Variants in GRID2 observed in about 807,000 individuals in gnomAD.
GRID2 encodes glutamate receptor ionotropic, delta-2.
A neutral mutation model predicts 114.8 loss-of-function variants in GRID2; 33 were observed. That is an observed-to-expected ratio of 0.29 (90% CI 0.22 to 0.38). GRID2 has a LOEUF of 0.38. Among genes scored for constraint, GRID2 ranks in the 10% least tolerant of loss-of-function variants. The pLI is 1.00. For synonymous variants in GRID2, 505 were observed against 449.9 expected (o/e 1.12, Z -1.55); for missense variants, 1,184 against 1,257.7 (o/e 0.94, Z 0.89).
At chr4:93,224,304 T>C (rs1357493212) in intron 6 of GRID2, among the ~76,000 whole-genome samples, 1 of 152,188 alleles carries the variant, frequency 6.6e-6, no homozygotes, top group Admixed American at 6.6e-5. Flanking sequence ...CAGAGAGAAA[T>C]AAGGGCCAAT....
intron 14 of GRID2, among the ~76,000 whole-genome samples, chr4:93,646,623 G>A (rs1295496186): frequency 6.6e-6 from 1 of 152,156 alleles, no homozygotes; most frequent in East Asian, 1.9e-4. Flanking sequence ...TATATGGTGA[G>A]AAGGAGAGAG....
Position 93,273,292 on chromosome 4 carries a change from G to A in GRID2, c.1245+34802G>A, listed in dbSNP as rs149092903. On this transcript the variant is annotated intron_variant, in intron 8 of 15. Coordinates refer to ENST00000282020, the MANE Select transcript of GRID2 (RefSeq NM_001510.4). Reference sequence around the variant, plus strand: ...GTTTGACTTTTACTTTACTTCTAAGGTATCCCAGATCTCTTTCTCTTATCT... The same window carrying A: ...GTTTGACTTTTACTTTACTTCTAAGATATCCCAGATCTCTTTCTCTTATCT... Among the ~76,000 whole-genome samples, 64 of 152,154 alleles carry A rather than the reference G, an allele frequency of 4.2e-4. No homozygotes were observed. In the East Asian group the frequency reaches 0.012, roughly 28 times the overall value.
chr4:92,614,294 C>G (rs1383139259), intron 2 of GRID2, among the ~76,000 whole-genome samples: 1 of 151,440 alleles, frequency 6.6e-6, no homozygotes, highest in East Asian at 1.9e-4. Flanking sequence ...TGCTTTTTTT[C>G]TGTCTTAAGT....
intron 11 of GRID2, among the ~76,000 whole-genome samples, chr4:93,460,503 T>G (rs1449550389): frequency 6.6e-6 from 1 of 152,194 alleles, no homozygotes; most frequent in Non-Finnish European, 1.5e-5. Flanking sequence ...TCAAGAAGTC[T>G]TTCCTGGGAT....
intron 14 of GRID2, among the ~76,000 whole-genome samples, chr4:93,658,737 G>A (rs1240572120): frequency 6.6e-6 from 1 of 152,186 alleles, no homozygotes; most frequent in Non-Finnish European, 1.5e-5. Context: ...GGATGAGGAT[G>A]CTTGGCTGAA....
At chr4:93,257,061 GA>G (rs1749678634) in intron 8 of GRID2, among the ~76,000 whole-genome samples, 1 of 151,796 alleles carries the variant, frequency 6.6e-6, no homozygotes, top group East Asian at 1.9e-4. Context: ...AGAGAAGCAA[GA>G]AATCTAACAA....
intron 2 of GRID2, among the ~76,000 whole-genome samples, chr4:93,007,687 G>T (rs1006810039): frequency 1.3e-5 from 2 of 152,008 alleles, no homozygotes; most frequent in Non-Finnish European, 2.9e-5. Context: ...GTGTTAAAAG[G>T]GGTAGAATGA....
chr4:93,034,145 A>C (rs1468875550), intron 2 of GRID2, among the ~76,000 whole-genome samples: 1 of 152,198 alleles, frequency 6.6e-6, no homozygotes, highest in Non-Finnish European at 1.5e-5. Flanking sequence ...CAGGTGAACA[A>C]CATAGGGAAA....
At chr4:92,377,775 C>G in intron 1 of GRID2, among the ~76,000 whole-genome samples, 1 of 152,102 alleles carries the variant, frequency 6.6e-6, no homozygotes, top group Middle Eastern at 3.4e-3. Context: ...CAAGGAAACC[C>G]CACCTTATAA....
intron 14 of GRID2, among the ~76,000 whole-genome samples, chr4:93,685,946 A>G (rs1399765674): frequency 6.6e-6 from 1 of 152,066 alleles, no homozygotes; most frequent in Non-Finnish European, 1.5e-5. Context: ...GCTGTGAGAT[A>G]CAGTGTCTGA....
chr4:93,720,976 T>C lies in GRID2; in HGVS notation c.2361-48234T>C, dbSNP rs754100704. On this transcript the variant is annotated intron_variant, in intron 14 of 15. Transcript: ENST00000282020. ...TGCAATTTATAGGATGAACACAAGA[T>C]ATGTTTGCATCCTGAGATTTGCCAG... 2.1e-4 allele frequency among the ~76,000 whole-genome samples: 32 copies of C among 152,328 alleles called. No individual in the cohort carries two copies. The Middle Eastern group carries it at 0.014, about 65-fold the overall frequency.
At chr4:92,796,503 T>A (rs758706534) in intron 2 of GRID2, among the ~76,000 whole-genome samples, 1 of 151,942 alleles carries the variant, frequency 6.6e-6, no homozygotes, top group Non-Finnish European at 1.5e-5. Context: ...ATCCTGATCA[T>A]AAACCCAACT....
rs991982166 is a variant in GRID2 at position 93,286,080 on chromosome 4, C to T, written c.1245+47590C>T. ...ACATGTCAGAAAAAAACTTTTTCTG[C>T]ATATAGAATATGCCATTGATTTTAT... On this transcript the variant is annotated intron_variant, in intron 8 of 15. Transcript: ENST00000282020. 2.6e-5 allele frequency among the ~76,000 whole-genome samples: 4 copies of T among 151,954 alleles called. No individual in the cohort carries two copies. The East Asian group carries it at 7.7e-4, about 29-fold the overall frequency.
At chr4:93,662,934 T>C (rs1004219538) in intron 14 of GRID2, among the ~76,000 whole-genome samples, 2 of 152,164 alleles carry the variant, frequency 1.3e-5, no homozygotes, top group African/African-American at 4.8e-5. Flanking sequence ...GTTTAAATCC[T>C]AAATAAAGAA....
intron 11 of GRID2, among the ~76,000 whole-genome samples, chr4:93,474,163 A>ATAC (rs1403460094): frequency 6.6e-6 from 1 of 152,154 alleles, no homozygotes; most frequent in African/African-American, 2.4e-5. Flanking sequence ...AAAAGTTTAT[A>ATAC]TACTACTACT....
In GRID2 at chr4:92,393,946, T is replaced by C. The variant is rs956270819; in HGVS notation, c.88+89202T>C. ...AGTGTCACAGAAATACTGGTACTGG[T>C]CACTGGTTACCACTTTTAACTGAAA... is the stretch of plus-strand genomic sequence containing the variant. On this transcript the variant is annotated intron_variant, in intron 1 of 15. Coordinates refer to ENST00000282020, the MANE Select transcript of GRID2 (RefSeq NM_001510.4). 2.0e-5 allele frequency among the ~76,000 whole-genome samples: 3 copies of C among 152,160 alleles called. No homozygotes were observed. The East Asian group carries it at 5.8e-4, about 29-fold the overall frequency.
chr4:93,262,434 A>G lies in GRID2; in HGVS notation c.1245+23944A>G, dbSNP rs1750355030. 2.0e-5 allele frequency among the ~76,000 whole-genome samples: 3 copies of G among 152,092 alleles called. No individual in the cohort carries two copies. The South Asian group carries it at 6.2e-4, about 31-fold the overall frequency. ...GAAGAATATTAAGGATTGTGGCCCA[A>G]ATATGGAGTCTTCAGTTTCTAGGCT... On this transcript the variant is annotated intron_variant, in intron 8 of 15. Coordinates refer to ENST00000282020, the MANE Select transcript of GRID2 (RefSeq NM_001510.4).
chr4:92,803,058 A>T (rs1740250359), intron 2 of GRID2, among the ~76,000 whole-genome samples: 1 of 151,956 alleles, frequency 6.6e-6, no homozygotes, highest in African/African-American at 2.4e-5. Flanking sequence ...TTGTCTAGGT[A>T]ATATCAGGAT....
In GRID2 at chr4:92,481,981, GATATATATATATATATATATAT is replaced by G. The variant is rs35103752; in HGVS notation, c.89-108118_89-108097del. ...AGTGGTGGACTGGAGAATAAAATGT[GATATATATATATATATATATAT>G]ATATATATATATATATATATATATA... On this transcript the variant is annotated intron_variant, in intron 1 of 15. Transcript: ENST00000282020. 4.8e-3 allele frequency among the ~76,000 whole-genome samples: 229 copies of G among 47,234 alleles called. 6 individuals are homozygous for G. The highest frequency in any genetic ancestry group is 9.0e-3 in the East Asian group (8 of 886). The allele number at this position is 47,234 out of a possible 152,430, so 31.0% of individuals were successfully genotyped here.
Sources: gnomAD v4.1 joint callset for allele counts (sites outside exome capture counted in the v4.1 genomes callset) on GRCh38, gnomAD v4.1.1 for gene constraint, MANE v1.5 for transcripts, NCBI Gene and HGNC (gene_info 2026-07-23, HGNC 2026-07-21) for gene names.